Variants in CDCP1 observed in about 807,000 individuals in gnomAD.
CDCP1 encodes the protein CUB domain containing protein 1.
A neutral mutation model predicts 60.2 loss-of-function variants in CDCP1; 29 were observed. The ratio of observed to expected loss-of-function variants is 0.48; its 90% CI spans 0.36 to 0.66. The LOEUF is 0.66. Among genes scored for constraint, CDCP1 ranks in the 30% least tolerant of loss-of-function variants. CDCP1 has a pLI of 0.00. For missense variants in CDCP1, 876 were observed against 1,074.3 expected, an observed-to-expected ratio of 0.82 and a Z score of 2.58; for synonymous variants, 387 against 431.1, an observed-to-expected ratio of 0.90 and a Z score of 1.27.
intron 4 of CDCP1, among the ~76,000 whole-genome samples, chr3:45,104,307 A>C (rs1451143296): frequency 6.6e-6 from 1 of 152,208 alleles, no homozygotes; most frequent in Non-Finnish European, 1.5e-5. Context: ...CACCTCATTC[A>C]TTAGTCATTT....
intron 1 of CDCP1, among the ~76,000 whole-genome samples, chr3:45,134,282 A>G (rs1160668302): frequency 6.6e-6 from 1 of 151,682 alleles, no homozygotes; most frequent in Admixed American, 6.6e-5. Flanking sequence ...CCGCCACCAC[A>G]CCCAGCTAAT....
chr3:45,096,064 G>A (rs1001633620), intron 4 of CDCP1, among the ~76,000 whole-genome samples: 1 of 152,230 alleles, frequency 6.6e-6, no homozygotes, highest in Non-Finnish European at 1.5e-5. Flanking sequence ...AAATGTAGAT[G>A]TCTGGCAATA....
intron 1 of CDCP1, among the ~76,000 whole-genome samples, chr3:45,122,120 G>A (rs1164693231): frequency 1.3e-5 from 2 of 150,932 alleles, no homozygotes; most frequent in Non-Finnish European, 2.9e-5. Context: ...TATAATGACA[G>A]TCAAAGAAAA....
rs925851900 is a variant in CDCP1 at position 45,108,902 on chromosome 3, T to G, written c.1024+1571A>C. On this transcript the variant is annotated intron_variant, in intron 4 of 8. Transcript: ENST00000296129. Reference sequence around the variant, plus strand: ...ATGCATGTATACATATATATATATATGCATGTATACATATATATATATATG... The same window carrying G: ...ATGCATGTATACATATATATATATAGGCATGTATACATATATATATATATG... Among the ~76,000 whole-genome samples the G allele has an allele frequency of 8.4e-5, 6 of 71,336 alleles. 3 individuals carry two copies. Among genetic ancestry groups the G allele is most frequent in the Non-Finnish European group, 1.7e-4 (6 of 34,692 alleles). The allele number at this position is 71,336 out of a possible 152,430, so 46.8% of individuals were successfully genotyped here. A position where few individuals can be genotyped will look rare whatever the true frequency, so the allele number is the denominator to read the frequency against.
chr3:45,139,079 G>A (rs755635987), intron 1 of CDCP1, among the ~76,000 whole-genome samples: 22 of 152,024 alleles, frequency 1.4e-4, no homozygotes, highest in Non-Finnish European at 2.6e-4. Context: ...CAGCTCTCTA[G>A]GGAACTAACA....
At position 45,146,206 on chromosome 3, in the gene CDCP1, C is replaced by A. The variant is rs1353766411; in HGVS notation, c.82G>T (p.Glu28Ter). 10 of 1,592,578 alleles carry A rather than the reference C, an allele frequency of 6.3e-6. No homozygotes were observed. Among genetic ancestry groups the A allele is most frequent in the Non-Finnish European group, 8.5e-6 (10 of 1,172,122 alleles). Residue 28 changes from glutamate to a stop codon, truncating the protein, a stop_gained and splice_region_variant, in exon 1 of 9, where the codon GAA (glutamate) becomes TAA (stop). Transcript: ENST00000296129. LOFTEE classifies it high-confidence loss of function. ...LGAARLPRGA[E>*]AFEIALPRES... ...TCCGCCTCCAAAGCCCGGCACTCACCTGCCCCGCGCGGCAGGCGCGCCGCA... is the reference window on the plus strand; with the variant it reads ...TCCGCCTCCAAAGCCCGGCACTCACATGCCCCGCGCGGCAGGCGCGCCGCA...
chr3:45,112,027 C>A (rs1698702287), intron 3 of CDCP1, 56 bp downstream of exon 3: 5 of 1,571,024 alleles, frequency 3.2e-6, no homozygotes, highest in Non-Finnish European at 4.3e-6. Flanking sequence ...TGACCTAGAA[C>A]AATGATGATC....
rs144752558 is a variant in CDCP1, at chr3:45,090,094, T to A, written c.1994-953A>T. Among the ~76,000 whole-genome samples the A allele has an allele frequency of 1.0e-3, 152 of 152,268 alleles. 2 individuals carry two copies. The East Asian group carries it at 0.024, about 24-fold the overall frequency. ...TAAGAGAGGAAGAAAACCCAGGATA[T>A]AATCTATGAGTGTGGAGAGGTTTTC... is the stretch of plus-strand genomic sequence containing the variant. On this transcript the variant is annotated intron_variant, in intron 7 of 8. Transcript: ENST00000296129.
chr3:45,097,655 G>T (rs1326754270), intron 4 of CDCP1, among the ~76,000 whole-genome samples: 1 of 152,160 alleles, frequency 6.6e-6, no homozygotes, highest in Non-Finnish European at 1.5e-5. Flanking sequence ...TTCCAAAAAG[G>T]CCTGCTAAAC....
chr3:45,124,497 G>A (rs536494142), intron 1 of CDCP1, among the ~76,000 whole-genome samples: 18 of 152,292 alleles, frequency 1.2e-4, no homozygotes, highest in African/African-American at 4.3e-4. Flanking sequence ...GTGCCCTGGA[G>A]GAGTGCCCAG....
chr3:45,093,788 C>A (rs1176425639), intron 5 of CDCP1, 131 bp from the exon 6 acceptor site: 5 of 1,020,130 alleles, frequency 4.9e-6, no homozygotes, highest in Admixed American at 2.4e-5. Flanking sequence ...CTTCTCCCAC[C>A]CTGCCCTCTG....
At chr3:45,115,050 T>C (rs895451163) in intron 2 of CDCP1, among the ~76,000 whole-genome samples, 7 of 152,250 alleles carry the variant, frequency 4.6e-5, no homozygotes, top group Admixed American at 1.3e-4. Context: ...TAACTGATTA[T>C]AAAAGTAATG....
At chr3:45,143,711 C>T (rs1699334747) in intron 1 of CDCP1, among the ~76,000 whole-genome samples, 1 of 148,704 alleles carries the variant, frequency 6.7e-6, no homozygotes, top group African/African-American at 2.4e-5. Context: ...AGGGAGAACA[C>T]CCAGAAGAGT....
chr3:45,131,395 C>T (rs781211242), intron 1 of CDCP1, among the ~76,000 whole-genome samples: 10 of 152,234 alleles, frequency 6.6e-5, no homozygotes, highest in African/African-American at 1.9e-4. Context: ...TACCACCATC[C>T]GCCTCTGGAA....
rs1698834166 is a variant in CDCP1, at chr3:45,118,692, A to G, written c.83-71T>C. ...GCAAACTGCTGTGGTCCCCGACCCCAATCTGGTTCAGAGAGGATGTCCTCT... is the reference window on the plus strand; with the variant it reads ...GCAAACTGCTGTGGTCCCCGACCCCGATCTGGTTCAGAGAGGATGTCCTCT... On this transcript the variant is annotated intron_variant, in intron 1 of 8. Coordinates refer to ENST00000296129, the MANE Select transcript of CDCP1 (RefSeq NM_022842.5). The G allele has an allele frequency of 2.4e-6, 3 of 1,253,614 alleles. No individual in the cohort carries two copies. The Admixed American group carries it at 5.4e-5, about 23-fold the overall frequency. The allele number at this position is 1,253,614 out of a possible 1,614,324, so 77.7% of individuals were successfully genotyped here. A position where few individuals can be genotyped will look rare whatever the true frequency, so the allele number is the denominator to read the frequency against.
rs1001370347 is a variant in CDCP1 at position 45,085,394 on chromosome 3, C to T, written c.*244G>A. The T allele has an allele frequency of 2.5e-5, 12 of 482,810 alleles. No individual in the cohort carries two copies. Among genetic ancestry groups the T allele is most frequent in the South Asian group, 5.2e-5 (2 of 38,438 alleles). The allele number at this position is 482,810 out of a possible 1,614,324, so 29.9% of individuals were successfully genotyped here. A position where few individuals can be genotyped will look rare whatever the true frequency, so the allele number is the denominator to read the frequency against. On this transcript the variant is annotated 3_prime_UTR_variant, in exon 9 of 9. Transcript: ENST00000296129. This position sits in a 1 kb window ranked among gnomAD's most constrained non-coding sequence, Gnocchi z 4.2. Reference sequence around the variant, plus strand: ...CTCCTCTCATTACAGGCTGGCTAACCGCACAGCCTAAGTTGAGGAGCACAT... The same window carrying T: ...CTCCTCTCATTACAGGCTGGCTAACTGCACAGCCTAAGTTGAGGAGCACAT...
At chr3:45,095,302 G>GAGCT in intron 5 of CDCP1, 45 bp downstream of exon 5, 1 of 1,558,124 alleles carries the variant, frequency 6.4e-7, no homozygotes, top group Non-Finnish European at 8.8e-7. Flanking sequence ...GGGGAGAGAA[G>GAGCT]AGCTATCCAT....
Position 45,146,213 on chromosome 3 carries a change from G to A in CDCP1, c.75C>T (p.Arg25=), listed in dbSNP as rs1699386224. 1.9e-6 allele frequency: 3 copies of A among 1,593,776 alleles called. No individual in the cohort carries two copies. The highest frequency in any genetic ancestry group is 2.4e-5 in the East Asian group (1 of 42,148). Reference sequence around the variant, plus strand: ...CCAAAGCCCGGCACTCACCTGCCCCGCGCGGCAGGCGCGCCGCACCCAGCA... The same window carrying A: ...CCAAAGCCCGGCACTCACCTGCCCCACGCGGCAGGCGCGCCGCACCCAGCA... ...VLLLGAARLP[R]GAEAFEIALP... The change falls in exon 1 of 9, where the codon CGC becomes CGT. Residue 25 remains arginine, a synonymous_variant. Coordinates refer to ENST00000296129, the MANE Select transcript of CDCP1 (RefSeq NM_022842.5).
chr3:45,097,047 C>G (rs1419214139), intron 4 of CDCP1, among the ~76,000 whole-genome samples: 3 of 152,202 alleles, frequency 2.0e-5, no homozygotes, highest in Non-Finnish European at 4.4e-5. Flanking sequence ...GTGGCTCACA[C>G]CTGTAATCCC....
Sources: gnomAD v4.1 joint callset for allele counts (sites outside exome capture counted in the v4.1 genomes callset) on GRCh38, gnomAD v4.1.1 for gene constraint, Gnocchi (gnomAD v3.1) non-coding constraint, MANE v1.5 for transcripts, NCBI Gene and HGNC (gene_info 2026-07-23, HGNC 2026-07-21) for gene names.